Variants in ITGAE observed in about 807,000 individuals in gnomAD.
ITGAE encodes the protein integrin alpha-E.
Under a neutral mutation model 136.5 loss-of-function variants are expected in ITGAE, and 99 were observed. The ratio of observed to expected loss-of-function variants is 0.73; its 90% confidence interval spans 0.62 to 0.86. ITGAE has a LOEUF of 0.86. ITGAE is among the 40% of genes least tolerant of loss of function. The pLI is 0.00. For missense variants in ITGAE, 1,447 were observed against 1,515.3 expected (o/e 0.95, Z 0.75); for synonymous variants, 613 against 591.8 (o/e 1.04, Z -0.52).
chr17:3,794,347 T>C (rs1356047104), intron 1 of ITGAE, among the ~76,000 whole-genome samples: 2 of 152,072 alleles, frequency 1.3e-5, no homozygotes, highest in East Asian at 1.9e-4. Flanking sequence ...CTCAAATTCC[T>C]GGGCTCAAGT....
rs568657374 is a variant in ITGAE, at chr17:3,723,458, C to T, written c.3142-75G>A. 19 of 1,162,122 alleles carry T rather than the reference C, an allele frequency of 1.6e-5. No homozygotes were observed. The African/African-American group carries it at 2.6e-4, about 16-fold the overall frequency. The allele number at this position is 1,162,122 out of a possible 1,614,324, so 72.0% of individuals were successfully genotyped here. A position where few individuals can be genotyped will look rare whatever the true frequency, so the allele number is the denominator to read the frequency against. On this transcript the variant is annotated intron_variant, in intron 27 of 30. Coordinates refer to ENST00000263087, the MANE Select transcript of ITGAE (RefSeq NM_002208.5). The stretch of plus-strand genomic sequence containing the variant: ...TGAAATCTTTTTAACACTTCGGACA[C>T]AGAGCATCGTAAGGTCCCAGAATAG...
chr17:3,723,583 G>C (rs1230969427), intron 27 of ITGAE, 105 bp downstream of exon 27: 1 of 1,240,004 alleles, frequency 8.1e-7, no homozygotes, highest in Non-Finnish European at 1.1e-6. Context: ...GGCAGCCCCC[G>C]GCACTGGCCG....
At chr17:3,773,433 G>A (rs1260752491) in intron 2 of ITGAE, among the ~76,000 whole-genome samples, 1 of 151,880 alleles carries the variant, frequency 6.6e-6, no homozygotes, top group Non-Finnish European at 1.5e-5. Flanking sequence ...GCAGTGAGCC[G>A]AGAGCATGCC....
chr17:3,724,752 A>T (rs2051165672), intron 26 of ITGAE: 1 of 1,614,114 alleles, frequency 6.2e-7, no homozygotes, highest in Non-Finnish European at 8.5e-7. Context: ...CTGCTGTAAA[A>T]GGAAACTGGT....
chr17:3,791,170 A>T (rs1012222545), intron 1 of ITGAE, among the ~76,000 whole-genome samples: 1 of 151,572 alleles, frequency 6.6e-6, no homozygotes, highest in African/African-American at 2.4e-5. Context: ...AAAAAAAAAA[A>T]AAGACATTTT....
intron 1 of ITGAE, among the ~76,000 whole-genome samples, chr17:3,778,486 C>T (rs574493710): frequency 6.6e-6 from 1 of 152,270 alleles, no homozygotes; most frequent in African/African-American, 2.4e-5. Flanking sequence ...TTGCTTAAAC[C>T]TGGGAGGCAG....
chr17:3,751,948 G>A (rs141201114), intron 14 of ITGAE, 74 bp from the exon 15 acceptor site: 45 of 1,287,844 alleles, frequency 3.5e-5, no homozygotes, highest in South Asian at 8.8e-5. Flanking sequence ...CCCGATGCAC[G>A]CTCACTGGGC....
At chr17:3,793,590 C>A (rs1241922396) in intron 1 of ITGAE, among the ~76,000 whole-genome samples, 1 of 152,218 alleles carries the variant, frequency 6.6e-6, no homozygotes, top group African/African-American at 2.4e-5. Flanking sequence ...GATCTGGAAC[C>A]TTTGAGAGTC....
intron 20 of ITGAE, among the ~76,000 whole-genome samples, chr17:3,736,811 G>A (rs139153381): frequency 6.6e-6 from 1 of 152,246 alleles, no homozygotes; most frequent in African/African-American, 2.4e-5. Context: ...AAAGTGCTGG[G>A]ATTACAGGCG....
rs563769798 is a variant in ITGAE, at chr17:3,762,394, G to A, written c.248-412C>T. Among the ~76,000 whole-genome samples the A allele has an allele frequency of 4.3e-3, 654 of 152,182 alleles. 6 individuals carry two copies. Among genetic ancestry groups the A allele is most frequent in the African/African-American group, 0.015 (606 of 41,512 alleles). On this transcript the variant is annotated intron_variant, in intron 3 of 30. Transcript: ENST00000263087. ...CCGTGGGACTGGCTGTGTGGACCAAGGAACCCCCCAGCCTCACAGACCCAT... is the reference window on the plus strand; with the variant it reads ...CCGTGGGACTGGCTGTGTGGACCAAAGAACCCCCCAGCCTCACAGACCCAT...
Position 3,714,829 on chromosome 17 carries a change from C to A in ITGAE, c.*18G>T. 6.8e-7 allele frequency: 1 copy of A among 1,475,190 alleles called. No individual in the cohort carries two copies. The highest frequency in any genetic ancestry group is 9.5e-7 in the Non-Finnish European group (1 of 1,055,490). The allele number at this position is 1,475,190 out of a possible 1,614,324, so 91.4% of individuals were successfully genotyped here. On this transcript the variant is annotated 3_prime_UTR_variant, in exon 31 of 31. Coordinates refer to ENST00000263087, the MANE Select transcript of ITGAE (RefSeq NM_002208.5). ...GTCCCAGGACTGGCTGATAGCCTCT[C>A]CCAGTGGATAGCAGGTCCTAATTCT...
chr17:3,735,815 C>A (rs999946531), intron 20 of ITGAE, among the ~76,000 whole-genome samples: 11 of 152,176 alleles, frequency 7.2e-5, no homozygotes, highest in African/African-American at 2.4e-4. Context: ...CTCATAGTAA[C>A]CCTGTGAAAT....
chr17:3,729,088 G>C (rs2051283047), intron 24 of ITGAE, among the ~76,000 whole-genome samples: 1 of 151,774 alleles, frequency 6.6e-6, no homozygotes, highest in African/African-American at 2.4e-5. Flanking sequence ...AATATAAAGT[G>C]GTCGTAGCGC....
At chr17:3,716,949 C>A in intron 29 of ITGAE, 151 bp from the exon 30 acceptor site, 1 of 584,824 alleles carries the variant, frequency 1.7e-6, no homozygotes, top group South Asian at 2.1e-5. Context: ...GCTAGATATT[C>A]CCTGATGCAG....
intron 2 of ITGAE, among the ~76,000 whole-genome samples, chr17:3,768,311 G>A (rs1458144655): frequency 1.3e-5 from 2 of 152,124 alleles, no homozygotes; most frequent in African/African-American, 4.8e-5. Context: ...GTTTTGTAGA[G>A]ATGGGGTTTT....
At chr17:3,756,400 AT>A (rs34579296) in intron 10 of ITGAE, among the ~76,000 whole-genome samples, 14,125 of 119,344 alleles carry the variant, frequency 0.12, 734 homozygotes, top group East Asian at 0.16. Flanking sequence ...CGCCTGGCTA[AT>A]TTTTTTTTTT....
chr17:3,728,669 G>A (rs1447412569), intron 24 of ITGAE, among the ~76,000 whole-genome samples: 1 of 149,630 alleles, frequency 6.7e-6, no homozygotes, highest in African/African-American at 2.5e-5. Flanking sequence ...CACCGCACCT[G>A]GCCTTCTCTT....
chr17:3,724,584 C>T (rs746330551), intron 26 of ITGAE: 9 of 1,614,224 alleles, frequency 5.6e-6, no homozygotes, highest in Non-Finnish European at 6.8e-6. Flanking sequence ...CCGAGCATCT[C>T]TCCCCTGCTC....
chr17:3,792,198 T>C (rs774673743), intron 1 of ITGAE, among the ~76,000 whole-genome samples: 4 of 152,184 alleles, frequency 2.6e-5, no homozygotes, highest in Non-Finnish European at 5.9e-5. Flanking sequence ...CTCGGCTCAC[T>C]GCAGCCTCTG....
Sources: gnomAD v4.1 joint callset for allele counts (sites outside exome capture counted in the v4.1 genomes callset) on GRCh38, gnomAD v4.1.1 for gene constraint, MANE v1.5 for transcripts, NCBI Gene and HGNC (gene_info 2026-07-23, HGNC 2026-07-21) for gene names.